Variants in MAGI1 observed in about 807,000 individuals in gnomAD.
MAGI1 encodes membrane associated guanylate kinase, WW and PDZ domain containing 1, also known as membrane-associated guanylate kinase, WW and PDZ domain-containing protein 1.
In MAGI1, 58 loss-of-function variants were observed where a neutral mutation model predicts 139.9. The observed-to-expected ratio is 0.41, with a 90% confidence interval of 0.34 to 0.52. The LOEUF is 0.52. Among genes scored for constraint, MAGI1 ranks in the 20% least tolerant of loss-of-function variants. The pLI, the probability that MAGI1 is intolerant of heterozygous loss-of-function variation, is 0.12. For synonymous variants in MAGI1, 812 were observed against 737.9 expected (o/e 1.10, Z -1.63); for missense variants, 1,874 against 1,901.6 (o/e 0.99, Z 0.27).
intron 1 of MAGI1, among the ~76,000 whole-genome samples, chr3:65,946,717 G>A (rs2063561531): frequency 6.6e-6 from 1 of 152,098 alleles, no homozygotes; most frequent in Admixed American, 6.5e-5. Context: ...GCACCCACCA[G>A]CCTGCGCTGA....
intron 4 of MAGI1, among the ~76,000 whole-genome samples, chr3:65,473,911 G>A (rs1021720098): frequency 6.6e-6 from 1 of 151,252 alleles, no homozygotes; most frequent in Non-Finnish European, 1.5e-5. Flanking sequence ...ACAGACACAC[G>A]GCAGACTCAA....
intron 3 of MAGI1, among the ~76,000 whole-genome samples, chr3:65,492,368 A>T (rs1952101170): frequency 6.6e-6 from 1 of 152,272 alleles, no homozygotes; most frequent in South Asian, 2.1e-4. Flanking sequence ...GTATGAAATG[A>T]TACATCCATG....
At chr3:65,359,624 A>G (rs1380653407) in intron 22 of MAGI1, 2 of 995,170 alleles carry the variant, frequency 2.0e-6, no homozygotes, top group African/African-American at 3.5e-5. Flanking sequence ...ATTGGAACTT[A>G]ACATATTATA....
intron 1 of MAGI1, among the ~76,000 whole-genome samples, chr3:65,672,068 G>GGTT (rs1335224747): frequency 6.6e-6 from 1 of 152,064 alleles, no homozygotes; most frequent in Non-Finnish European, 1.5e-5. Context: ...TATGCAAAGT[G>GGTT]GTTGCTGCAT....
At chr3:65,499,024 G>T in intron 2 of MAGI1, 1 of 980,514 alleles carries the variant, frequency 1.0e-6, no homozygotes, top group Non-Finnish European at 1.2e-6. Context: ...ACCTGAAACA[G>T]CATGACATCT....
chr3:65,531,462 T>A (rs2078709394), intron 2 of MAGI1, among the ~76,000 whole-genome samples: 1 of 152,138 alleles, frequency 6.6e-6, no homozygotes. Flanking sequence ...AAATTTAAAG[T>A]TATAATATTT....
intron 1 of MAGI1, among the ~76,000 whole-genome samples, chr3:66,006,346 C>T (rs764755801): frequency 1.5e-4 from 23 of 152,094 alleles, no homozygotes; most frequent in Non-Finnish European, 2.9e-4. Context: ...CAGAAAGTTG[C>T]CCAGCATTTT....
intron 6 of MAGI1, 152 bp downstream of exon 6, chr3:65,453,106 G>T: frequency 1.5e-6 from 1 of 653,462 alleles, no homozygotes; most frequent in Non-Finnish European, 2.7e-6. Flanking sequence ...CTTTCTTCCT[G>T]CTTTTGTAAA....
Position 65,738,947 on chromosome 3 carries a change from T to C in MAGI1, c.314-116859A>G, listed in dbSNP as rs970309020. ...TCAGAATAGTCAATGAGCATTGGCTTCAACTTCAAGTCACCAGCTACGTTA... is the reference window on the plus strand; with the variant it reads ...TCAGAATAGTCAATGAGCATTGGCTCCAACTTCAAGTCACCAGCTACGTTA... On this transcript the variant is annotated intron_variant, in intron 1 of 22. Coordinates refer to ENST00000402939, the MANE Select transcript of MAGI1 (RefSeq NM_001033057.2). Among the ~76,000 whole-genome samples the C allele has an allele frequency of 5.3e-4, 81 of 152,312 alleles. 1 individual carries two copies. Among genetic ancestry groups the C allele is most frequent in the South Asian group, 1.0e-3 (5 of 4,824 alleles).
chr3:65,945,653 C>G (rs2063513815), intron 1 of MAGI1, among the ~76,000 whole-genome samples: 1 of 152,184 alleles, frequency 6.6e-6, no homozygotes, highest in Admixed American at 6.5e-5. Flanking sequence ...AGGCAAATGC[C>G]AAGGTGTAAC....
chr3:65,468,757 G>C (rs1369552120), intron 5 of MAGI1, among the ~76,000 whole-genome samples: 2 of 151,710 alleles, frequency 1.3e-5, no homozygotes, highest in East Asian at 3.9e-4. Context: ...AATTTTCATT[G>C]TTTTTTCTAA....
At chr3:65,910,855 C>CTTTTTTTGTTTTTTTTTTT (rs2061634666) in intron 1 of MAGI1, among the ~76,000 whole-genome samples, 1 of 59,484 alleles carries the variant, frequency 1.7e-5, no homozygotes, top group Non-Finnish European at 2.7e-5. Context: ...ACATGGTGGA[C>CTTTTTTTGTTTTTTTTTTT]TTTTTTTTTT....
intron 1 of MAGI1, among the ~76,000 whole-genome samples, chr3:65,778,016 T>C (rs560187670): frequency 6.6e-6 from 1 of 152,332 alleles, no homozygotes; most frequent in East Asian, 1.9e-4. Flanking sequence ...AGACATCAAA[T>C]ACTTAATGAG....
intron 1 of MAGI1, among the ~76,000 whole-genome samples, chr3:65,866,212 T>A (rs1349240680): frequency 7.1e-6 from 1 of 140,156 alleles, no homozygotes; most frequent in Non-Finnish European, 1.5e-5. Flanking sequence ...CTGTTTTCAA[T>A]TTTTTTCTTT....
intron 2 of MAGI1, among the ~76,000 whole-genome samples, chr3:65,580,315 C>T (rs1362700831): frequency 3.5e-5 from 4 of 114,014 alleles, no homozygotes; most frequent in Non-Finnish European, 7.5e-5. Context: ...TTTCTTTTTT[C>T]TCCTTTTTTT....
intron 2 of MAGI1, among the ~76,000 whole-genome samples, chr3:65,616,589 G>A (rs1485163463): frequency 6.6e-6 from 1 of 152,198 alleles, no homozygotes; most frequent in Non-Finnish European, 1.5e-5. Context: ...TTTGCCACAG[G>A]CTAGGCTTTG....
intron 1 of MAGI1, among the ~76,000 whole-genome samples, chr3:65,960,629 TC>T (rs1390710348): frequency 6.6e-6 from 1 of 152,210 alleles, no homozygotes; most frequent in Admixed American, 6.5e-5. Flanking sequence ...TAATATTTTT[TC>T]CTATAATCAG....
chr3:65,845,173 C>T (rs1230595861), intron 1 of MAGI1, among the ~76,000 whole-genome samples: 1 of 151,828 alleles, frequency 6.6e-6, no homozygotes, highest in Non-Finnish European at 1.5e-5. Context: ...ATCACTTGAA[C>T]CCAGGAGGCG....
At chr3:65,691,307 A>AAAAAGAAAAAAAAAAAAAAAAG (rs2088626626) in intron 1 of MAGI1, among the ~76,000 whole-genome samples, 3 of 133,658 alleles carry the variant, frequency 2.2e-5, no homozygotes, top group African/African-American at 5.2e-5. Context: ...CGTCTCAAAA[A>AAAAAGAAAAAAAAAAAAAAAAG]AAAAAAAAGA....
Sources: allele counts gnomAD v4.1 joint callset (sites outside exome capture counted in the v4.1 genomes callset), GRCh38; gene constraint gnomAD v4.1.1; transcripts MANE v1.5; gene names NCBI Gene and HGNC (gene_info 2026-07-23, HGNC 2026-07-21).